KDM2A: variants seen among roughly 807,000 people sequenced by gnomAD.
The protein encoded by KDM2A is lysine demethylase 2A, also known as lysine-specific demethylase 2A.
KDM2A carries 3 observed loss-of-function variants against 137.3 expected under a neutral mutation model. The ratio of observed to expected loss-of-function variants is 0.02; its 90% CI spans 0.01 to 0.06. KDM2A has a LOEUF of 0.06. Among genes scored for constraint, KDM2A ranks in the 10% least tolerant of loss-of-function variants. KDM2A has a pLI of 1.00. For synonymous variants in KDM2A, 512 were observed against 541.5 expected, an observed-to-expected ratio of 0.95 and a Z score of 0.76; for missense variants, 738 against 1,510.6, an observed-to-expected ratio of 0.49 and a Z score of 8.48.
rs570959631 is a variant in KDM2A at position 67,183,650 on chromosome 11, T to C, written c.307+1758T>C. Among the ~76,000 whole-genome samples, 23 of 152,236 alleles carry C rather than the reference T, an allele frequency of 1.5e-4. 1 individual carries two copies. Among genetic ancestry groups the C allele is most frequent in the Admixed American group, 1.3e-3 (20 of 15,280 alleles). ...AGCACAGTAACAGCTGCTCCATTCT[T>C]CCCTGCCAACCAAGCCCATGACAAG... On this transcript the variant is annotated intron_variant, in intron 5 of 20. Coordinates refer to ENST00000529006, the MANE Select transcript of KDM2A (RefSeq NM_012308.3).
intron 2 of KDM2A, among the ~76,000 whole-genome samples, chr11:67,122,739 A>G (rs1194440830): frequency 6.0e-5 from 9 of 149,678 alleles, no homozygotes; most frequent in Admixed American, 6.0e-4. Flanking sequence ...GCAGTGGCGC[A>G]ATCTCTGCTC....
At chr11:67,225,720 G>A (rs991144412) in intron 10 of KDM2A, among the ~76,000 whole-genome samples, 51 of 150,462 alleles carry the variant, frequency 3.4e-4, no homozygotes, top group African/African-American at 1.2e-3. Flanking sequence ...GGTGAGCCGA[G>A]ATCACACCAC....
At chr11:67,121,420 C>T in intron 2 of KDM2A, 62 bp downstream of exon 2, 3 of 1,513,526 alleles carry the variant, frequency 2.0e-6, no homozygotes, top group Admixed American at 3.4e-5. Flanking sequence ...ATTTTGTTTC[C>T]AGTTGTGAAT....
intron 2 of KDM2A, among the ~76,000 whole-genome samples, chr11:67,139,693 TTGC>T (rs146326919): frequency 0.032 from 4,811 of 152,068 alleles, 117 homozygotes; most frequent in African/African-American, 0.069. Flanking sequence ...GGTTGCAAGG[TTGC>T]TGCTGCTATT....
intron 2 of KDM2A, among the ~76,000 whole-genome samples, chr11:67,156,542 C>T (rs966533544): frequency 4.6e-5 from 7 of 151,794 alleles, no homozygotes; most frequent in African/African-American, 1.7e-4. Context: ...ACAGTGAAAC[C>T]CCGTCTCTAC....
intron 6 of KDM2A, among the ~76,000 whole-genome samples, chr11:67,208,238 A>C (rs1370059531): frequency 6.6e-6 from 1 of 151,182 alleles, no homozygotes; most frequent in Non-Finnish European, 1.5e-5. Context: ...ATTATTATTA[A>C]AAAAATTTTT....
At position 67,150,251 on chromosome 11, in the gene KDM2A, C is replaced by T. The variant is rs146606114; in HGVS notation, c.42+28893C>T. On this transcript the variant is annotated intron_variant, in intron 2 of 20. Coordinates refer to ENST00000529006, the MANE Select transcript of KDM2A (RefSeq NM_012308.3). The stretch of plus-strand genomic sequence containing the variant: ...AGAACTTAAGAAATTCACTGCCTCT[C>T]AGTTTACCTCAAATTTTACAACTAA... Among the ~76,000 whole-genome samples, 5 of 152,274 alleles carry T rather than the reference C, an allele frequency of 3.3e-5. No individual in the cohort carries two copies. In the East Asian group the frequency reaches 9.6e-4, roughly 29 times the overall value.
intron 2 of KDM2A, among the ~76,000 whole-genome samples, chr11:67,162,036 T>C (rs1856649459): frequency 1.3e-5 from 2 of 152,214 alleles, no homozygotes; most frequent in African/African-American, 4.8e-5. Flanking sequence ...TGTAGTACAG[T>C]GAATTGTTCT....
At chr11:67,251,167 T>A (rs2136462323) in intron 17 of KDM2A, among the ~76,000 whole-genome samples, 1 of 152,316 alleles carries the variant, frequency 6.6e-6, no homozygotes. Flanking sequence ...GCCTATGATG[T>A]TCTAGTCACT....
chr11:67,247,401 A>C (rs1469781776), intron 15 of KDM2A, among the ~76,000 whole-genome samples: 2 of 130,320 alleles, frequency 1.5e-5, no homozygotes, highest in South Asian at 5.2e-4. Flanking sequence ...GATTCTTAGG[A>C]TATTTTAACA....
intron 2 of KDM2A, among the ~76,000 whole-genome samples, chr11:67,157,245 G>A (rs1183233267): frequency 5.3e-5 from 8 of 150,242 alleles, no homozygotes; most frequent in African/African-American, 2.0e-4. Flanking sequence ...CCCGGGAGGC[G>A]GAGCTGGCAG....
intron 5 of KDM2A, among the ~76,000 whole-genome samples, chr11:67,195,261 C>T (rs1033824483): frequency 1.1e-4 from 16 of 149,134 alleles, no homozygotes; most frequent in African/African-American, 2.2e-4. Context: ...CCCAGCTACC[C>T]GAGAGGCTAA....
At chr11:67,192,671 C>T (rs1043562829) in intron 5 of KDM2A, among the ~76,000 whole-genome samples, 2 of 151,944 alleles carry the variant, frequency 1.3e-5, no homozygotes, top group African/African-American at 2.4e-5. Context: ...TCTCAAACTC[C>T]TGACCTCAAG....
At chr11:67,156,742 A>T (rs1856524373) in intron 2 of KDM2A, among the ~76,000 whole-genome samples, 1 of 139,126 alleles carries the variant, frequency 7.2e-6, no homozygotes, top group Non-Finnish European at 1.6e-5. Context: ...AAAAAAAATT[A>T]GCTGGGCATG....
At chr11:67,248,650 G>T (rs1397356235) in intron 16 of KDM2A, 13 of 361,494 alleles carry the variant, frequency 3.6e-5, no homozygotes, top group Non-Finnish European at 6.7e-5. Context: ...AGGAACCACG[G>T]CTGGGCTATT....
intron 11 of KDM2A, among the ~76,000 whole-genome samples, chr11:67,230,276 A>G (rs998497687): frequency 9.2e-5 from 14 of 152,130 alleles, no homozygotes; most frequent in African/African-American, 3.4e-4. Context: ...CTTGAGTCCA[A>G]GAGTTCAAGA....
chr11:67,201,044 A>G (rs1857607039), intron 5 of KDM2A, among the ~76,000 whole-genome samples: 2 of 152,054 alleles, frequency 1.3e-5, no homozygotes, highest in East Asian at 1.9e-4. Flanking sequence ...TAGAAAAAAA[A>G]TTAGCCGGGC....
At chr11:67,134,240 C>A (rs1170297540) in intron 2 of KDM2A, among the ~76,000 whole-genome samples, 2 of 152,046 alleles carry the variant, frequency 1.3e-5, no homozygotes, top group Non-Finnish European at 2.9e-5. Context: ...TGATTTTGCC[C>A]CCAAGGAAAC....
intron 2 of KDM2A, among the ~76,000 whole-genome samples, chr11:67,148,028 T>C (rs1038452978): frequency 5.3e-5 from 8 of 152,054 alleles, no homozygotes; most frequent in Non-Finnish European, 1.0e-4. Flanking sequence ...CTAGTGGTAA[T>C]GTAAATCAGC....
Sources: gnomAD v4.1 joint callset for allele counts (sites outside exome capture counted in the v4.1 genomes callset) on GRCh38, gnomAD v4.1.1 for gene constraint, MANE v1.5 for transcripts, NCBI Gene and HGNC (gene_info 2026-07-23, HGNC 2026-07-21) for gene names.